BST1: variants seen among roughly 807,000 people sequenced by gnomAD.
BST1 encodes bone marrow stromal cell antigen 1, also known as ADP-ribosyl cyclase/cyclic ADP-ribose hydrolase 2.
A neutral mutation model predicts 40.6 loss-of-function variants in BST1; 49 were observed. The observed-to-expected ratio is 1.21, with a 90% CI of 0.96 to 1.53. BST1 has a LOEUF of 1.53. BST1 is among the 40% of genes most tolerant of loss of function. BST1 has a pLI of 0.00. For missense variants in BST1, 423 were observed against 395.9 expected (o/e 1.07, Z -0.58); for synonymous variants, 157 against 159.3 (o/e 0.99, Z 0.11).
chr4:15,724,712 G>A (rs985372689), intron 8 of BST1, among the ~76,000 whole-genome samples: 1 of 152,090 alleles, frequency 6.6e-6, no homozygotes, highest in Non-Finnish European at 1.5e-5. Context: ...ATAAGAGAGA[G>A]AGAGAGAGAG....
chr4:15,755,343 T>C, the BST1 span, among the ~76,000 whole-genome samples: 1 of 152,168 alleles, frequency 6.6e-6, no homozygotes, highest in Non-Finnish European at 1.5e-5. Context: ...TTCACCATGT[T>C]TGTCTGGCTG....
At chr4:15,742,851 A>G (rs1721777997), downstream of BST1, among the ~76,000 whole-genome samples, 1 of 152,246 alleles carries the variant, frequency 6.6e-6, no homozygotes, top group Admixed American at 6.5e-5. Flanking sequence ...TCTGAGACAG[A>G]AGGAGGTTGA....
In BST1 at chr4:15,731,720, A is replaced by G. The variant is rs371059643; in HGVS notation, c.852-20A>G. 1.4e-3 allele frequency: 2,228 copies of G among 1,603,410 alleles called. 1 individual carries two copies. The highest frequency in any genetic ancestry group is 1.8e-3 in the Non-Finnish European group (2,100 of 1,174,150). ...ATACACCAATACTGACACTTTCTCT[A>G]TTTCCTTGTTAATTTGCAGGGCAGC... On this transcript the variant is annotated intron_variant, in intron 8 of 8. Coordinates refer to ENST00000265016, the MANE Select transcript of BST1 (RefSeq NM_004334.3).
chr4:15,709,197 T>A (rs1468529128), intron 3 of BST1, among the ~76,000 whole-genome samples: 2 of 152,118 alleles, frequency 1.3e-5, no homozygotes, highest in African/African-American at 2.4e-5. Flanking sequence ...CATTTTTACC[T>A]AGATGCCGAG....
chr4:15,743,131 A>G (rs879755667), downstream of BST1: 15 of 157,912 alleles, frequency 9.5e-5, no homozygotes, highest in Non-Finnish European at 2.1e-4. Context: ...TGTTGCACCA[A>G]CTTCCACAAA....
At chr4:15,753,177 A>G in the BST1 span, among the ~76,000 whole-genome samples, 10 of 152,180 alleles carry the variant, frequency 6.6e-5, no homozygotes, top group Non-Finnish European at 1.3e-4. Flanking sequence ...TCTCTGATAT[A>G]AATGTCATAT....
the BST1 span, among the ~76,000 whole-genome samples, chr4:15,756,325 T>C: frequency 6.6e-6 from 1 of 152,228 alleles, no homozygotes; most frequent in Non-Finnish European, 1.5e-5. Flanking sequence ...TGGTCGTACC[T>C]GGCTAGTCCT....
rs191244369 is a variant in BST1 at position 15,720,442 on chromosome 4, C to T, written c.791+1449C>T. ...GACCAGCCTGGCCAACATGGTGAAA[C>T]CCCGTCTCTACTAAAAATACAAAAA... On this transcript the variant is annotated intron_variant, in intron 7 of 8. Coordinates refer to ENST00000265016, the MANE Select transcript of BST1 (RefSeq NM_004334.3). Among the ~76,000 whole-genome samples, 978 of 152,074 alleles carry T rather than the reference C, an allele frequency of 6.4e-3. 9 individuals are homozygous for T. Among genetic ancestry groups the T allele is most frequent in the African/African-American group, 0.023 (940 of 41,448 alleles).
chr4:15,719,195 C>T lies in BST1; in HGVS notation c.791+202C>T, dbSNP rs1015466574. On this transcript the variant is annotated intron_variant, in intron 7 of 8. Transcript: ENST00000265016. ...CACTGCTGTCCAGAGTCCATCTTCA[C>T]GGCACTGGACGTTTAAAGAACACAC... 1.7e-4 allele frequency among the ~76,000 whole-genome samples: 26 copies of T among 152,154 alleles called. 1 individual carries two copies. Among genetic ancestry groups the T allele is most frequent in the African/African-American group, 5.8e-4 (24 of 41,514 alleles).
At chr4:15,706,112 A>G (rs1019359642) in intron 2 of BST1, among the ~76,000 whole-genome samples, 1 of 152,138 alleles carries the variant, frequency 6.6e-6, no homozygotes, top group African/African-American at 2.4e-5. Context: ...CCATAATCCA[A>G]TCACCTCACA....
chr4:15,772,413 C>G, the BST1 span, among the ~76,000 whole-genome samples: 1 of 152,118 alleles, frequency 6.6e-6, no homozygotes, highest in Non-Finnish European at 1.5e-5. Context: ...GAGGCAAAAC[C>G]CACATTTCTC....
chr4:15,715,396 A>G (rs1720455453), intron 5 of BST1, 35 bp downstream of exon 5: 1 of 1,586,188 alleles, frequency 6.3e-7, no homozygotes, highest in Non-Finnish European at 8.7e-7. Flanking sequence ...ACAAGAGAGA[A>G]TGCCAAAATA....
At chr4:15,747,723 A>ACCTTCTCC in the BST1 span, among the ~76,000 whole-genome samples, 1 of 152,212 alleles carries the variant, frequency 6.6e-6, no homozygotes, top group Non-Finnish European at 1.5e-5. Flanking sequence ...AGGCTGGAGC[A>ACCTTCTCC]CAGTGGTCCC....
At chr4:15,709,476 A>G (rs1720067677) in intron 3 of BST1, among the ~76,000 whole-genome samples, 2 of 152,192 alleles carry the variant, frequency 1.3e-5, no homozygotes, top group Non-Finnish European at 1.5e-5. Flanking sequence ...CGTCAAATGG[A>G]CACAGCCATT....
At position 15,711,878 on chromosome 4, in the gene BST1, G is replaced by A. The variant is rs200331360; in HGVS notation, c.523G>A (p.Ala175Thr). 10 of 1,613,624 alleles carry A rather than the reference G, an allele frequency of 6.2e-6. No homozygotes were observed. The highest frequency in any genetic ancestry group is 1.6e-4 in the Middle Eastern group (1 of 6,062). Residue 175 changes from alanine (A) to threonine (T), a missense_variant, in exon 4 of 9, where the codon GCA (alanine) becomes ACA (threonine). Ala to Thr is a moderately conservative substitution (Grantham distance 58, BLOSUM62 0). Transcript: ENST00000265016. ...TCCTGTGGATTCCTTTTGGAAAAGG[G>A]CATCCATCCAGGTAATGCTGGGATG... Reference protein sequence around the residue: ...NNPVDSFWKRASIQYSKDSSG... With the variant: ...NNPVDSFWKRTSIQYSKDSSG...
At chr4:15,712,617 A>G (rs1720278526) in intron 4 of BST1, among the ~76,000 whole-genome samples, 2 of 152,192 alleles carry the variant, frequency 1.3e-5, no homozygotes, top group African/African-American at 4.8e-5. Flanking sequence ...TGTCTTTTTC[A>G]GTCCCATCTT....
chr4:15,773,055 T>C, the BST1 span, among the ~76,000 whole-genome samples: 1 of 152,306 alleles, frequency 6.6e-6, no homozygotes, highest in East Asian at 1.9e-4. Flanking sequence ...GACTGTGGTA[T>C]AGACAATACA....
intron 2 of BST1, among the ~76,000 whole-genome samples, chr4:15,706,168 A>G (rs1026918649): frequency 6.6e-6 from 1 of 152,248 alleles, no homozygotes; most frequent in Non-Finnish European, 1.5e-5. Flanking sequence ...TACAAGAGAC[A>G]CAAATCCAAA....
At chr4:15,714,627 T>C (rs554713142) in intron 4 of BST1, among the ~76,000 whole-genome samples, 3 of 152,360 alleles carry the variant, frequency 2.0e-5, no homozygotes, top group Non-Finnish European at 4.4e-5. Flanking sequence ...TTCAGTATTA[T>C]GAGGAATTGC....
Sources: gnomAD v4.1 joint callset for allele counts (sites outside exome capture counted in the v4.1 genomes callset) on GRCh38, gnomAD v4.1.1 for gene constraint, MANE v1.5 for transcripts, NCBI Gene and HGNC (gene_info 2026-07-23, HGNC 2026-07-21) for gene names.